Variants in AOPEP observed in about 807,000 individuals in gnomAD.
AOPEP encodes the protein aminopeptidase O (putative).
A neutral mutation model predicts 98.1 loss-of-function variants in AOPEP; 77 were observed. The observed-to-expected ratio is 0.78, with a 90% confidence interval of 0.65 to 0.95. The LOEUF (loss-of-function observed/expected upper bound fraction) is 0.95. Ranked by LOEUF, AOPEP falls within the 40% of genes least tolerant of loss-of-function variation. The pLI is 0.00. For missense variants in AOPEP, 1,024 were observed against 1,024.7 expected, an observed-to-expected ratio of 1.00 and a Z score of 0.01; for synonymous variants, 346 against 365.3, an observed-to-expected ratio of 0.95 and a Z score of 0.60.
In AOPEP at chr9:94,793,025, A is replaced by G. The variant is rs193008561; in HGVS notation, c.1118+107A>G. ...GGAATGTGAGTCATTCCTGCTGAGA[A>G]ACTAAACCAAAATAGGATTAATCAA... On this transcript the variant is annotated intron_variant, in intron 4 of 16. Transcript: ENST00000375315. 8.1e-6 allele frequency: 10 copies of G among 1,240,952 alleles called. No individual in the cohort carries two copies. In the Admixed American group the frequency reaches 2.2e-4, roughly 28 times the overall value. The allele number at this position is 1,240,952 out of a possible 1,614,324, so 76.9% of individuals were successfully genotyped here.
chr9:94,974,558 C>A (rs988307139), intron 10 of AOPEP, among the ~76,000 whole-genome samples: 7 of 152,226 alleles, frequency 4.6e-5, no homozygotes, highest in African/African-American at 1.7e-4. Flanking sequence ...GACGAGCTCT[C>A]CTGCTCCCAC....
intron 13 of AOPEP, chr9:95,006,139 T>A: frequency 2.1e-6 from 1 of 469,110 alleles, no homozygotes; most frequent in Non-Finnish European, 4.4e-6. Flanking sequence ...AGTATGTTAC[T>A]TTGCAGAAGT....
At chr9:94,751,223 C>G (rs1835698091) in intron 1 of AOPEP, among the ~76,000 whole-genome samples, 1 of 152,116 alleles carries the variant, frequency 6.6e-6, no homozygotes, top group African/African-American at 2.4e-5. Flanking sequence ...GCTTTTTGCT[C>G]ACTCTCATGG....
intron 5 of AOPEP, chr9:94,904,444 G>A (rs1040170871): frequency 6.6e-6 from 1 of 152,084 alleles, no homozygotes; most frequent in South Asian, 2.1e-4. Context: ...TCTGAATCTC[G>A]GCATCTGTGA....
At chr9:94,989,480 C>T (rs1589182474) in intron 11 of AOPEP, among the ~76,000 whole-genome samples, 2 of 152,118 alleles carry the variant, frequency 1.3e-5, no homozygotes, top group East Asian at 3.9e-4. Context: ...CGTGATTTGC[C>T]TTCCTTGGCC....
chr9:94,956,651 ACCCTGTCAG>A (rs1341137569), intron 9 of AOPEP, among the ~76,000 whole-genome samples: 1 of 152,186 alleles, frequency 6.6e-6, no homozygotes, highest in Non-Finnish European at 1.5e-5. Context: ...TCAGAGAGAG[ACCCTGTCAG>A]CTCGTATGGG....
chr9:95,110,376 A>C, the AOPEP span: 3 of 1,022,996 alleles, frequency 2.9e-6, no homozygotes, highest in Non-Finnish European at 3.5e-6. Context: ...TAAAAACCAT[A>C]TGTGCCCCGT....
chr9:94,935,994 C>G (rs1564409842), intron 7 of AOPEP, among the ~76,000 whole-genome samples: 1 of 152,190 alleles, frequency 6.6e-6, no homozygotes, highest in Non-Finnish European at 1.5e-5. Context: ...TCCCTGGGAG[C>G]CATTGCTAAC....
At chr9:95,006,905 T>A (rs2062069294) in intron 13 of AOPEP, among the ~76,000 whole-genome samples, 2 of 147,774 alleles carry the variant, frequency 1.4e-5, no homozygotes, top group African/African-American at 4.9e-5. Flanking sequence ...CTGTTAATTT[T>A]TTTTTTTTTT....
intron 1 of AOPEP, among the ~76,000 whole-genome samples, chr9:94,739,625 C>G (rs926556650): frequency 7.8e-6 from 1 of 127,424 alleles, no homozygotes; most frequent in Non-Finnish European, 1.6e-5. Flanking sequence ...GCCTGGGGGA[C>G]AAGAGCGAAA....
chr9:94,848,436 A>T (rs1179875079), intron 5 of AOPEP, among the ~76,000 whole-genome samples: 1 of 130,934 alleles, frequency 7.6e-6, no homozygotes, highest in African/African-American at 2.9e-5. Context: ...TGGGCGACGG[A>T]GCGAGACTCC....
chr9:94,981,793 C>T (rs775953859), intron 11 of AOPEP, among the ~76,000 whole-genome samples: 5 of 152,122 alleles, frequency 3.3e-5, no homozygotes, highest in Admixed American at 6.5e-5. Context: ...TCTTTGTTCT[C>T]GTAAAAATTT....
intron 13 of AOPEP, among the ~76,000 whole-genome samples, chr9:95,044,230 T>A (rs1276966534): frequency 1.3e-5 from 2 of 152,238 alleles, no homozygotes; most frequent in Non-Finnish European, 2.9e-5. Flanking sequence ...AAAAAAAGTA[T>A]TATCTTTTAA....
the AOPEP span, among the ~76,000 whole-genome samples, chr9:95,125,806 G>A: frequency 6.6e-6 from 1 of 152,190 alleles, no homozygotes. Context: ...GTGTTAGGTG[G>A]GAGGGGCTAG....
chr9:94,739,023 A>G (rs1314440882), intron 1 of AOPEP, among the ~76,000 whole-genome samples: 3 of 152,230 alleles, frequency 2.0e-5, no homozygotes, highest in African/African-American at 7.2e-5. Flanking sequence ...TCTAGGAGCA[A>G]GAATGCCAGG....
chr9:94,956,033 A>G lies in AOPEP; in HGVS notation c.1872+18A>G, dbSNP rs945391560. 2.1e-6 allele frequency: 3 copies of G among 1,444,894 alleles called. No individual in the cohort carries two copies. The highest frequency in any genetic ancestry group is 2.3e-5 in the East Asian group (1 of 44,044). 89.5% of individuals were successfully genotyped at this position (1,444,894 alleles called of 1,614,324 possible). ...TTTCCCAGGTAACTTATGGGTCCTC[A>G]TGAGTCCATGATGTATGACTGGAGG... On this transcript the variant is annotated intron_variant, in intron 9 of 16. Coordinates refer to ENST00000375315, the MANE Select transcript of AOPEP (RefSeq NM_001193329.3).
chr9:94,853,328 T>C (rs1022472404), intron 5 of AOPEP, among the ~76,000 whole-genome samples: 8 of 151,922 alleles, frequency 5.3e-5, no homozygotes, highest in Admixed American at 2.0e-4. Context: ...GGTGTGGTGG[T>C]GTGTGCCTGT....
downstream of AOPEP, among the ~76,000 whole-genome samples, chr9:95,089,011 A>AGCCGGAGAGCAGCTCC (rs1371707463): frequency 6.6e-6 from 1 of 152,160 alleles, no homozygotes. Context: ...GGAGGGAGGA[A>AGCCGGAGAGCAGCTCC]GCCGGAGAGC....
intron 5 of AOPEP, among the ~76,000 whole-genome samples, chr9:94,818,886 C>T (rs1051770489): frequency 2.0e-5 from 3 of 152,034 alleles, no homozygotes; most frequent in African/African-American, 2.4e-5. Flanking sequence ...CCCAGCCACT[C>T]GGGACGCTGA....
Sources: gnomAD v4.1 joint callset for allele counts (sites outside exome capture counted in the v4.1 genomes callset) on GRCh38, gnomAD v4.1.1 for gene constraint, MANE v1.5 for transcripts, NCBI Gene and HGNC (gene_info 2026-07-23, HGNC 2026-07-21) for gene names.